MIR2052HG: variants seen among roughly 807,000 people sequenced by gnomAD.
MIR2052HG encodes MIR2052 host gene.
rs144159983 is a variant in MIR2052HG, at chr8:74,631,260, G to A, written n.216+18320G>A. ...CCTCATTTGGTTATCTGTGGAGTAG[G>A]AGGGAAATTAAATATACATCTGCAT... On this transcript the variant is annotated intron_variant and non_coding_transcript_variant, in intron 2 of 6. Coordinates refer to ENST00000523442, the Ensembl canonical transcript of MIR2052HG. Among the ~76,000 whole-genome samples, 890 of 152,330 alleles carry A rather than the reference G, an allele frequency of 5.8e-3. 6 individuals carry two copies. The highest frequency in any genetic ancestry group is 9.8e-3 in the Non-Finnish European group (669 of 68,034).
intron 4 of MIR2052HG, among the ~76,000 whole-genome samples, chr8:74,745,634 C>T (rs1187176253): frequency 1.3e-5 from 2 of 151,932 alleles, no homozygotes; most frequent in South Asian, 2.1e-4. Context: ...ACGCATGGTC[C>T]AGGGACATTG....
chr8:74,687,999 G>C (rs1392304524), intron 2 of MIR2052HG, among the ~76,000 whole-genome samples: 7 of 152,090 alleles, frequency 4.6e-5, no homozygotes, highest in Admixed American at 4.6e-4. Flanking sequence ...CCTCATTAAA[G>C]CTGTTAAAAA....
At chr8:74,753,831 A>T (rs1348117383) in intron 5 of MIR2052HG, among the ~76,000 whole-genome samples, 1 of 152,158 alleles carries the variant, frequency 6.6e-6, no homozygotes, top group Admixed American at 6.6e-5. Flanking sequence ...CTGCCTAAAA[A>T]CTATGCTCTT....
chr8:74,715,549 G>A (rs879833852), intron 4 of MIR2052HG, among the ~76,000 whole-genome samples: 6 of 152,096 alleles, frequency 3.9e-5, no homozygotes, highest in Non-Finnish European at 7.4e-5. Flanking sequence ...AACTGAATAC[G>A]TTTTGGACAT....
At chr8:74,744,037 C>A (rs1244780695) in intron 4 of MIR2052HG, among the ~76,000 whole-genome samples, 1 of 152,122 alleles carries the variant, frequency 6.6e-6, no homozygotes, top group African/African-American at 2.4e-5. Flanking sequence ...TTAATACAAA[C>A]ATCTCAAGTG....
intron 2 of MIR2052HG, among the ~76,000 whole-genome samples, chr8:74,675,985 CAGAG>C (rs1176512428): frequency 6.6e-6 from 1 of 151,778 alleles, no homozygotes; most frequent in African/African-American, 2.4e-5. Flanking sequence ...GTTTAATAGC[CAGAG>C]AGAGGAAAAA....
chr8:74,705,438 A>C (rs1809400333), intron 4 of MIR2052HG, among the ~76,000 whole-genome samples: 1 of 152,042 alleles, frequency 6.6e-6, no homozygotes, highest in Non-Finnish European at 1.5e-5. Context: ...TTTTCATTCT[A>C]AGATTGATAC....
chr8:74,629,101 C>T (rs1288938044), intron 2 of MIR2052HG, among the ~76,000 whole-genome samples: 1 of 152,106 alleles, frequency 6.6e-6, no homozygotes, highest in East Asian at 1.9e-4. Flanking sequence ...CAGATTTGCT[C>T]ATGAAACTAA....
At chr8:74,615,756 C>T (rs1808271985) in intron 2 of MIR2052HG, among the ~76,000 whole-genome samples, 2 of 151,942 alleles carry the variant, frequency 1.3e-5, no homozygotes, top group Admixed American at 1.3e-4. Flanking sequence ...TACTATCCTT[C>T]CCCACTCCCC....
At chr8:74,647,560 A>G (rs576357894) in intron 2 of MIR2052HG, among the ~76,000 whole-genome samples, 2 of 152,246 alleles carry the variant, frequency 1.3e-5, no homozygotes, top group Non-Finnish European at 2.9e-5. Flanking sequence ...TGTTTTAAGC[A>G]TTTAGTCCTA....
intron 4 of MIR2052HG, among the ~76,000 whole-genome samples, chr8:74,712,700 C>T (rs1390731934): frequency 1.7e-4 from 24 of 143,482 alleles, no homozygotes; most frequent in Non-Finnish European, 2.9e-4. Context: ...CTTTTTCTGC[C>T]TTTTTTTTTT....
intron 2 of MIR2052HG, among the ~76,000 whole-genome samples, chr8:74,672,516 T>C (rs1809004263): frequency 6.6e-6 from 1 of 152,074 alleles, no homozygotes. Context: ...GGTCCTTTCC[T>C]GTGAACAGTT....
chr8:74,654,337 G>C (rs1345032086), intron 2 of MIR2052HG, among the ~76,000 whole-genome samples: 1 of 152,096 alleles, frequency 6.6e-6, no homozygotes, highest in Non-Finnish European at 1.5e-5. Context: ...AGGGTGTACT[G>C]TTTGCACTCA....
chr8:74,641,557 T>C (rs1808639149), intron 2 of MIR2052HG, among the ~76,000 whole-genome samples: 1 of 152,206 alleles, frequency 6.6e-6, no homozygotes, highest in South Asian at 2.1e-4. Context: ...ATATTACCTG[T>C]ATTATTAATG....
At chr8:74,691,127 A>G (rs1201048297) in intron 2 of MIR2052HG, among the ~76,000 whole-genome samples, 4 of 152,246 alleles carry the variant, frequency 2.6e-5, no homozygotes, top group African/African-American at 4.8e-5. Context: ...CAAAAGGAGC[A>G]CAATGTGTAC....
rs547341457 is a variant in MIR2052HG, at chr8:74,610,892, A to G, written n.129-1961A>G. ...AAAAGTATCAAGCTAAAAATACACA[A>G]TCTCTAGAAGAAAACATAGGAAATT... is the stretch of plus-strand genomic sequence containing the variant. On this transcript the variant is annotated intron_variant and non_coding_transcript_variant, in intron 1 of 6. Coordinates refer to ENST00000523442, the Ensembl canonical transcript of MIR2052HG. Among the ~76,000 whole-genome samples, 17 of 152,182 alleles carry G rather than the reference A, an allele frequency of 1.1e-4. No homozygotes were observed. In the East Asian group the frequency reaches 3.3e-3, roughly 29 times the overall value.
chr8:74,635,008 A>C (rs531948818), intron 2 of MIR2052HG, among the ~76,000 whole-genome samples: 68 of 152,344 alleles, frequency 4.5e-4, no homozygotes, highest in African/African-American at 1.6e-3. Flanking sequence ...TAATAATTCC[A>C]TGAAGAACAA....
rs796527461 is a variant in MIR2052HG at position 74,728,533 on chromosome 8, A to T, written n.372-23908A>T. On this transcript the variant is annotated intron_variant and non_coding_transcript_variant, in intron 4 of 6. Coordinates refer to ENST00000523442, the Ensembl canonical transcript of MIR2052HG. ...ACGATCTTCCTTGTCTTCAAAAAGGATGTAGTCTAGTGGGGAACATAGACC... is the reference window on the plus strand; with the variant it reads ...ACGATCTTCCTTGTCTTCAAAAAGGTTGTAGTCTAGTGGGGAACATAGACC... Among the ~76,000 whole-genome samples, 40 of 152,302 alleles carry T rather than the reference A, an allele frequency of 2.6e-4. 1 individual carries two copies. The highest frequency in any genetic ancestry group is 9.1e-4 in the African/African-American group (38 of 41,554).
chr8:74,615,602 T>G (rs948676987), intron 2 of MIR2052HG, among the ~76,000 whole-genome samples: 4 of 152,084 alleles, frequency 2.6e-5, no homozygotes, highest in Non-Finnish European at 1.5e-5. Context: ...TTGTCTTGTG[T>G]TCTCATCTTC....
Sources: allele counts gnomAD v4.1 joint callset (sites outside exome capture counted in the v4.1 genomes callset), GRCh38; gene constraint gnomAD v4.1.1; transcripts MANE v1.5; gene names NCBI Gene and HGNC (gene_info 2026-07-23, HGNC 2026-07-21).